Variants in RHD observed in about 807,000 individuals in gnomAD.
RHD encodes blood group Rh(D) polypeptide.
In RHD, 16 loss-of-function variants were observed where a neutral mutation model predicts 45.5. That is an observed-to-expected ratio of 0.35 (90% confidence interval 0.24 to 0.53). The LOEUF (loss-of-function observed/expected upper bound fraction) is 0.53, where lower values mean the gene tolerates loss of function less well. Ranked by LOEUF, RHD falls within the 20% of genes least tolerant of loss-of-function variation. The pLI, the probability that RHD is intolerant of heterozygous loss-of-function variation, is 0.92. For synonymous variants in RHD, 131 were observed against 217.5 expected, an observed-to-expected ratio of 0.60 and a Z score of 3.50; for missense variants, 306 against 532.0, an observed-to-expected ratio of 0.58 and a Z score of 4.18.
chr1:25,282,141 G>A (rs879235343), intron 1 of RHD, among the ~76,000 whole-genome samples: 2 of 132,248 alleles, frequency 1.5e-5, no homozygotes, highest in South Asian at 2.3e-4. Context: ...CTCTCAGGTG[G>A]GTCTAATTAC....
rs1277786556 is a variant in RHD at position 25,309,767 on chromosome 1, T to C, written c.1073+3038T>C. Among the ~76,000 whole-genome samples, 3 of 131,430 alleles carry C rather than the reference T, an allele frequency of 2.3e-5. 1 individual carries two copies. 86.2% of individuals were successfully genotyped at this position (131,430 alleles called of 152,430 possible). On this transcript the variant is annotated intron_variant, in intron 7 of 9. Transcript: ENST00000328664. ...TAACCTGAACTTGCCCTCTGTGAAA[T>C]AGGGACACTAATAGCTCACTCACAG...
Position 25,300,984 on chromosome 1 carries a change from C to T in RHD, c.525C>T (p.Phe175=), listed in dbSNP as rs1214722999. The part of the protein sequence containing the change: ...YHMNMMHIYV[F]AAYFGLSVAW... Reference sequence around the variant, plus strand: ...TGAACATGATGCACATCTACGTGTTCGCAGCCTATTTTGGGCTGTCTGTGG... The same window carrying T: ...TGAACATGATGCACATCTACGTGTTTGCAGCCTATTTTGGGCTGTCTGTGG... Residue 175 remains phenylalanine, a synonymous_variant, in exon 4 of 10, where the codon TTC becomes TTT. Coordinates refer to ENST00000328664, the MANE Select transcript of RHD (RefSeq NM_016124.6). The T allele has an allele frequency of 1.1e-5, 15 of 1,378,620 alleles. 4 individuals carry two copies. The highest frequency in any genetic ancestry group is 7.1e-5 in the African/African-American group (5 of 70,230). The allele number at this position is 1,378,620 out of a possible 1,614,324, so 85.4% of individuals were successfully genotyped here. A position where few individuals can be genotyped will look rare whatever the true frequency, so the allele number is the denominator to read the frequency against.
rs1557534310 is a variant in RHD at position 25,295,849 on chromosome 1, AAT to A, written c.486+5059_486+5060del. Among the ~76,000 whole-genome samples, 8 of 33,728 alleles carry A rather than the reference AAT, an allele frequency of 2.4e-4. 1 individual carries two copies. The highest frequency in any genetic ancestry group is 4.2e-4 in the Non-Finnish European group (4 of 9,512). The allele number at this position is 33,728 out of a possible 152,430, so 22.1% of individuals were successfully genotyped here. A position where few individuals can be genotyped will look rare whatever the true frequency, so the allele number is the denominator to read the frequency against. ...CAATGGTCTGGGAGGGAATATGGGAAATTTTTTTTTTTTTTTTTTTTTTTTTT... is the reference window on the plus strand; with the variant it reads ...CAATGGTCTGGGAGGGAATATGGGAATTTTTTTTTTTTTTTTTTTTTTTTT... On this transcript the variant is annotated intron_variant, in intron 3 of 9. Coordinates refer to ENST00000328664, the MANE Select transcript of RHD (RefSeq NM_016124.6).
chr1:25,278,576 G>T (rs371491457), intron 1 of RHD, among the ~76,000 whole-genome samples: 1 of 131,336 alleles, frequency 7.6e-6, no homozygotes, highest in Admixed American at 7.4e-5. Flanking sequence ...GTGTTTGGCA[G>T]TTGGTGATTC....
chr1:25,291,142 G>GGATAGATAGATAGATA (rs1557529488), intron 3 of RHD, among the ~76,000 whole-genome samples: 1 of 125,562 alleles, frequency 8.0e-6, no homozygotes, highest in African/African-American at 2.9e-5. Flanking sequence ...ATAGGTAGGT[G>GGATAGATAGATAGATA]GATAGACAGA....
At chr1:25,277,087 T>C (rs1217719844) in intron 1 of RHD, among the ~76,000 whole-genome samples, 1 of 131,430 alleles carries the variant, frequency 7.6e-6, no homozygotes. Context: ...AAAATAAAAA[T>C]AAATGAAACA....
rs1461896088 is a variant in RHD, at chr1:25,276,525, C to G, written c.148+3830C>G. Among the ~76,000 whole-genome samples, 21 of 50,630 alleles carry G rather than the reference C, an allele frequency of 4.1e-4. 2 individuals are homozygous for G. The highest frequency in any genetic ancestry group is 1.3e-3 in the African/African-American group (16 of 12,106). The allele number at this position is 50,630 out of a possible 152,430, so 33.2% of individuals were successfully genotyped here. On this transcript the variant is annotated intron_variant, in intron 1 of 9. Transcript: ENST00000328664. ...CTAGGAAACATAGGGAGACCCCCCC[C>G]CATCTCTAAAAAAAAAAAAAAAAAA...
intron 7 of RHD, among the ~76,000 whole-genome samples, chr1:25,310,990 A>C (rs1260191308): frequency 1.6e-5 from 2 of 127,956 alleles, no homozygotes; most frequent in African/African-American, 5.4e-5. Flanking sequence ...AAAAAAAAAG[A>C]AAGAAAAAGA....
intron 6 of RHD, 115 bp from the exon 7 acceptor site, chr1:25,306,481 G>C: frequency 3.0e-6 from 3 of 1,001,090 alleles, no homozygotes; most frequent in South Asian, 2.6e-5. Context: ...TCTTTGAGGT[G>C]AGCCTTAGTG....
At chr1:25,319,720 C>T (rs190721608) in intron 8 of RHD, among the ~76,000 whole-genome samples, 1 of 132,078 alleles carries the variant, frequency 7.6e-6, no homozygotes, top group Non-Finnish European at 1.8e-5. Flanking sequence ...GTTAATTGAG[C>T]CCTCTATGGG....
intron 7 of RHD, among the ~76,000 whole-genome samples, chr1:25,314,614 C>T (rs1255608953): frequency 1.5e-5 from 2 of 132,766 alleles, no homozygotes; most frequent in African/African-American, 5.1e-5. Context: ...ATACTTCATC[C>T]TCCTGAGTAG....
chr1:25,286,198 A>C (rs1483250806), intron 2 of RHD, among the ~76,000 whole-genome samples: 1 of 135,396 alleles, frequency 7.4e-6, no homozygotes, highest in East Asian at 1.9e-4. Flanking sequence ...CTTTTTTAAA[A>C]GGTTTAGAGG....
intron 3 of RHD, among the ~76,000 whole-genome samples, chr1:25,297,447 G>A (rs1408038354): frequency 9.2e-6 from 1 of 108,586 alleles, no homozygotes; most frequent in Admixed American, 9.3e-5. Context: ...CTTGTGAGGA[G>A]ATAATTTCCT....
Position 25,306,540 on chromosome 1 carries a change from G to T in RHD, c.940-56G>T, listed in dbSNP as rs1418669334. ...GATACCAAGGGTGTGTGAAAGGGGT[G>T]GGTAGGGAATATGGGTCTCACCTGC... On this transcript the variant is annotated intron_variant, in intron 6 of 9. Coordinates refer to ENST00000328664, the MANE Select transcript of RHD (RefSeq NM_016124.6). 1.9e-5 allele frequency: 26 copies of T among 1,351,170 alleles called. 1 individual carries two copies. In the African/African-American group the frequency reaches 3.3e-4, roughly 17 times the overall value. The allele number at this position is 1,351,170 out of a possible 1,614,324, so 83.7% of individuals were successfully genotyped here.
intron 7 of RHD, among the ~76,000 whole-genome samples, chr1:25,312,009 C>T (rs1644177405): frequency 8.4e-6 from 1 of 119,206 alleles, no homozygotes; most frequent in Admixed American, 8.1e-5. Context: ...TATCATAGTG[C>T]AATGCCAGCT....
chr1:25,288,340 C>CTTTTTT (rs1258431849), intron 2 of RHD, among the ~76,000 whole-genome samples: 1 of 113,492 alleles, frequency 8.8e-6, no homozygotes, highest in African/African-American at 2.9e-5. Context: ...CCACACCTAG[C>CTTTTTT]TTTTTTTTTT....
At chr1:25,280,005 A>T (rs2124605262) in intron 1 of RHD, among the ~76,000 whole-genome samples, 1 of 129,370 alleles carries the variant, frequency 7.7e-6, no homozygotes, top group East Asian at 2.0e-4. Context: ...CAGATAATGG[A>T]TGGGTGGAAA....
intron 9 of RHD, among the ~76,000 whole-genome samples, chr1:25,322,554 T>C (rs1426204834): frequency 7.6e-6 from 1 of 132,286 alleles, no homozygotes; most frequent in African/African-American, 2.6e-5. Flanking sequence ...ATGCCTGTAA[T>C]CCCAGTTACT....
intron 3 of RHD, among the ~76,000 whole-genome samples, chr1:25,296,607 A>C (rs1160222305): frequency 7.6e-6 from 1 of 131,118 alleles, no homozygotes; most frequent in East Asian, 2.0e-4. Flanking sequence ...TCGAATTGTA[A>C]TCCCCACGTG....
Sources: allele counts gnomAD v4.1 joint callset (sites outside exome capture counted in the v4.1 genomes callset), GRCh38; gene constraint gnomAD v4.1.1; transcripts MANE v1.5; gene names NCBI Gene and HGNC (gene_info 2026-07-23, HGNC 2026-07-21).